Variants in DNAH7 observed in about 807,000 individuals in gnomAD.
The protein encoded by DNAH7 is dynein axonemal heavy chain 7.
A neutral mutation model predicts 444.6 loss-of-function variants in DNAH7; 397 were observed. The ratio of observed to expected loss-of-function variants is 0.89; its 90% CI spans 0.82 to 0.97. The LOEUF (loss-of-function observed/expected upper bound fraction) is 0.97. Ranked by LOEUF, DNAH7 falls within the 50% of genes least tolerant of loss-of-function variation. The probability of loss-of-function intolerance (pLI) is 0.00; values close to 1 mark genes in which losing one functional copy is unlikely to be tolerated. For synonymous variants in DNAH7, 1,636 were observed against 1,624.4 expected, an observed-to-expected ratio of 1.01 and a Z score of -0.17; for missense variants, 4,902 against 4,800.8, an observed-to-expected ratio of 1.02 and a Z score of -0.62.
intron 13 of DNAH7, 34 bp downstream of exon 13, chr2:195,987,917 CAGATAG>C (rs760213135): frequency 6.6e-7 from 1 of 1,521,480 alleles, no homozygotes; most frequent in East Asian, 2.3e-5. Flanking sequence ...GAAAAGATAC[CAGATAG>C]AGATAACAGT....
chr2:195,899,118 C>T (rs1686532861), intron 28 of DNAH7, among the ~76,000 whole-genome samples: 1 of 152,212 alleles, frequency 6.6e-6, no homozygotes, highest in Admixed American at 6.5e-5. Flanking sequence ...AATGACAGAG[C>T]ATGTCCTGTT....
At chr2:195,857,121 TAAAC>T (rs557531190) in intron 44 of DNAH7, among the ~76,000 whole-genome samples, 23 of 152,280 alleles carry the variant, frequency 1.5e-4, no homozygotes, top group Non-Finnish European at 2.2e-4. Context: ...ATATGGTAAA[TAAAC>T]AAAATTTTAT....
At chr2:195,786,701 TAATA>T (rs1695641723) in intron 58 of DNAH7, among the ~76,000 whole-genome samples, 1 of 151,368 alleles carries the variant, frequency 6.6e-6, no homozygotes, top group Non-Finnish European at 1.5e-5. Context: ...GGAACCTGGT[TAATA>T]GTCTTCTCAA....
chr2:195,810,946 A>G (rs189021637), intron 51 of DNAH7, among the ~76,000 whole-genome samples: 10 of 152,330 alleles, frequency 6.6e-5, no homozygotes, highest in Admixed American at 1.3e-4. Flanking sequence ...TGGTCTTTTC[A>G]GAGTAAAACA....
At chr2:196,003,019 A>C (rs55855052) in intron 10 of DNAH7, among the ~76,000 whole-genome samples, 6,459 of 152,004 alleles carry the variant, frequency 0.042, 318 homozygotes, top group African/African-American at 0.12. Context: ...AAAAAGAAAA[A>C]AAAAAAAGAT....
chr2:195,911,376 C>T (rs1021829546), intron 24 of DNAH7, among the ~76,000 whole-genome samples: 1 of 151,960 alleles, frequency 6.6e-6, no homozygotes, highest in African/African-American at 2.4e-5. Context: ...GAAAATTATG[C>T]ACTGAAAATT....
At chr2:196,016,290 C>A (rs1321923025) in intron 9 of DNAH7, among the ~76,000 whole-genome samples, 1 of 152,112 alleles carries the variant, frequency 6.6e-6, no homozygotes, top group East Asian at 1.9e-4. Context: ...TACTAATTTA[C>A]ACAAACATAA....
At chr2:196,062,879 T>C (rs1698207634) in intron 1 of DNAH7, among the ~76,000 whole-genome samples, 1 of 152,166 alleles carries the variant, frequency 6.6e-6, no homozygotes, top group East Asian at 1.9e-4. Flanking sequence ...AGCATGGTTT[T>C]GTTTTTGTTT....
At position 195,967,739 on chromosome 2, in the gene DNAH7, A is replaced by C. The variant is rs375338022; in HGVS notation, c.2205+2209T>G. 4.6e-5 allele frequency among the ~76,000 whole-genome samples: 7 copies of C among 152,088 alleles called. No individual in the cohort carries two copies. The East Asian group carries it at 1.4e-3, about 29-fold the overall frequency. ...ATGTGTTGGAGCTCCATTGTGTGCT[A>C]TTTGTTTCTTTTCTCTTGCTGCTTT... On this transcript the variant is annotated intron_variant, in intron 17 of 64. Coordinates refer to ENST00000312428, the MANE Select transcript of DNAH7 (RefSeq NM_018897.3).
intron 5 of DNAH7, among the ~76,000 whole-genome samples, chr2:196,044,562 A>G (rs948406851): frequency 3.9e-5 from 6 of 152,128 alleles, no homozygotes; most frequent in Non-Finnish European, 8.8e-5. Flanking sequence ...CATGTAACCA[A>G]ACACCACCTG....
At chr2:196,047,620 C>T in intron 4 of DNAH7, 121 bp from the exon 5 acceptor site, 1 of 833,670 alleles carries the variant, frequency 1.2e-6, no homozygotes, top group Non-Finnish European at 1.6e-6. Flanking sequence ...ATCAAGTAAT[C>T]CTAAGTATAA....
intron 30 of DNAH7, chr2:195,892,863 T>A (rs1005597870): frequency 6.6e-6 from 1 of 151,602 alleles, no homozygotes; most frequent in Admixed American, 6.6e-5. Flanking sequence ...CTTTCTAATA[T>A]TGCCTTCTGC....
rs1026132682 is a variant in DNAH7, at chr2:196,044,826, G to A, written c.398+2526C>T. Among the ~76,000 whole-genome samples the A allele has an allele frequency of 2.6e-5, 4 of 152,082 alleles. 1 individual carries two copies. The highest frequency in any genetic ancestry group is 9.7e-5 in the African/African-American group (4 of 41,432). On this transcript the variant is annotated intron_variant, in intron 5 of 64. Coordinates refer to ENST00000312428, the MANE Select transcript of DNAH7 (RefSeq NM_018897.3). ...CTCACACCTATAATCCCAGCACTCT[G>A]AGAGGTTGAGGTAGGGGACCACTTG...
intron 61 of DNAH7, among the ~76,000 whole-genome samples, chr2:195,770,655 A>G (rs1422161453): frequency 6.6e-6 from 1 of 152,060 alleles, no homozygotes; most frequent in Non-Finnish European, 1.5e-5. Context: ...TCTCACCCAT[A>G]ATTCTCTACT....
At chr2:195,769,343 G>A (rs1400078014) in intron 61 of DNAH7, among the ~76,000 whole-genome samples, 3 of 150,784 alleles carry the variant, frequency 2.0e-5, no homozygotes, top group Non-Finnish European at 4.4e-5. Flanking sequence ...TATTACATGT[G>A]TGAGCCACTG....
chr2:195,952,007 T>G (rs1245169453), intron 19 of DNAH7, among the ~76,000 whole-genome samples: 1 of 152,214 alleles, frequency 6.6e-6, no homozygotes, highest in Non-Finnish European at 1.5e-5. Flanking sequence ...CATTAGTTGA[T>G]GCAGTTTCTT....
chr2:195,876,870 C>T (rs1701094131), intron 36 of DNAH7, among the ~76,000 whole-genome samples, 171 bp from the exon 37 acceptor site: 2 of 152,078 alleles, frequency 1.3e-5, no homozygotes, highest in South Asian at 4.2e-4. Context: ...GGAGTGTCTC[C>T]ATCTGTCCAG....
chr2:196,057,975 A>G, intron 2 of DNAH7, 79 bp downstream of exon 2: 1 of 1,155,758 alleles, frequency 8.7e-7, no homozygotes, highest in African/African-American at 1.6e-5. Flanking sequence ...GAAATTCAGT[A>G]ACTTACTTTC....
chr2:195,797,225 A>C (rs1481074209), intron 55 of DNAH7, among the ~76,000 whole-genome samples: 1 of 152,218 alleles, frequency 6.6e-6, no homozygotes. Context: ...GTTTCTTTAG[A>C]GAATTCTGTG....
Sources: allele counts gnomAD v4.1 joint callset (sites outside exome capture counted in the v4.1 genomes callset), GRCh38; gene constraint gnomAD v4.1.1; transcripts MANE v1.5; gene names NCBI Gene and HGNC (gene_info 2026-07-23, HGNC 2026-07-21).